EML4: variants seen among roughly 807,000 people sequenced by gnomAD.
EML4 encodes the protein EMAP like 4.
EML4 carries 72 observed loss-of-function variants against 129.0 expected under a neutral mutation model. The ratio of observed to expected loss-of-function variants is 0.56; its 90% confidence interval spans 0.46 to 0.68. The LOEUF is 0.68. EML4 is among the 30% of genes least tolerant of loss of function. EML4 has a pLI of 0.00. For synonymous variants in EML4, 532 were observed against 405.0 expected, an observed-to-expected ratio of 1.31 and a Z score of -3.77; for missense variants, 1,363 against 1,190.6, an observed-to-expected ratio of 1.14 and a Z score of -2.13.
chr2:42,305,474 G>A (rs913814981), intron 17 of EML4, among the ~76,000 whole-genome samples: 2 of 152,168 alleles, frequency 1.3e-5, no homozygotes, highest in African/African-American at 4.8e-5. Flanking sequence ...TGAAGCTGAT[G>A]TAACACCATT....
chr2:42,275,346 G>C (rs1666598164), intron 6 of EML4, among the ~76,000 whole-genome samples: 1 of 152,154 alleles, frequency 6.6e-6, no homozygotes, highest in Non-Finnish European at 1.5e-5. Context: ...AGTAATCAGT[G>C]TCTTGTCATT....
chr2:42,231,254 A>G (rs1000996221), intron 1 of EML4, among the ~76,000 whole-genome samples: 2 of 152,168 alleles, frequency 1.3e-5, no homozygotes, highest in Non-Finnish European at 2.9e-5. Flanking sequence ...TCCTGAACCT[A>G]TGACTAGCTT....
At chr2:42,172,088 A>C (rs1288291480) in intron 1 of EML4, among the ~76,000 whole-genome samples, 2 of 152,090 alleles carry the variant, frequency 1.3e-5, no homozygotes, top group Admixed American at 6.5e-5. Flanking sequence ...AGAAGTCAAA[A>C]CGTGAAGTTC....
rs772121409 is a variant in EML4 at position 42,263,336 on chromosome 2, G to A, written c.641+30G>A. On this transcript the variant is annotated intron_variant, in intron 5 of 22. Transcript: ENST00000318522. Reference sequence around the variant, plus strand: ...GTATTGCACTTTCTTCATTATATCTGAAAAGTAATAATTATTTGGCTATTA... The same window carrying A: ...GTATTGCACTTTCTTCATTATATCTAAAAAGTAATAATTATTTGGCTATTA... 7.9e-5 allele frequency: 119 copies of A among 1,508,752 alleles called. No homozygotes were observed. In the Middle Eastern group the frequency reaches 9.9e-4, roughly 13 times the overall value. 93.5% of individuals were successfully genotyped at this position (1,508,752 alleles called of 1,614,324 possible).
At chr2:42,320,234 A>G (rs1669451201) in intron 19 of EML4, among the ~76,000 whole-genome samples, 1 of 152,034 alleles carries the variant, frequency 6.6e-6, no homozygotes, top group Non-Finnish European at 1.5e-5. Context: ...CACACCTGTA[A>G]TCCCAGCACT....
intron 1 of EML4, among the ~76,000 whole-genome samples, chr2:42,198,659 T>A (rs1255370424): frequency 6.6e-6 from 1 of 152,208 alleles, no homozygotes; most frequent in Non-Finnish European, 1.5e-5. Flanking sequence ...GAGGACACAT[T>A]CTGAGAAGTA....
At chr2:42,282,708 A>G (rs1209676662) in intron 7 of EML4, 115 bp from the exon 8 acceptor site, 6 of 927,680 alleles carry the variant, frequency 6.5e-6, no homozygotes, top group Admixed American at 2.3e-5. Context: ...TGAGTTTTCT[A>G]GTTCTAGTTC....
chr2:42,172,787 G>C (rs1670354880), intron 1 of EML4, among the ~76,000 whole-genome samples: 1 of 152,110 alleles, frequency 6.6e-6, no homozygotes, highest in Non-Finnish European at 1.5e-5. Context: ...ATGTGCAAAA[G>C]TGGGAAGCTA....
intron 1 of EML4, among the ~76,000 whole-genome samples, chr2:42,242,932 C>G (rs932262821): frequency 1.3e-5 from 2 of 151,976 alleles, no homozygotes; most frequent in African/African-American, 4.8e-5. Context: ...CACGTGCCAC[C>G]ATGCCCAGCT....
intron 1 of EML4, chr2:42,208,225 A>G (rs1044064385): frequency 2.6e-5 from 4 of 152,192 alleles, no homozygotes; most frequent in African/African-American, 7.2e-5. Flanking sequence ...CAGAGTGAGT[A>G]TTCAGATTTT....
rs905192308 is a variant in EML4, at chr2:42,252,461, T to G, written c.209-4040T>G. Among the ~76,000 whole-genome samples, 5 of 152,214 alleles carry G rather than the reference T, an allele frequency of 3.3e-5. No individual in the cohort carries two copies. In the East Asian group the frequency reaches 9.6e-4, roughly 29 times the overall value. On this transcript the variant is annotated intron_variant, in intron 2 of 22. Coordinates refer to ENST00000318522, the MANE Select transcript of EML4 (RefSeq NM_019063.5). ...ACTGCCCTGAAATCAGTTCTTCACA[T>G]GGCTACTAGAGGGTATTCTCTAAAA... is the stretch of plus-strand genomic sequence containing the variant.
In EML4 at chr2:42,229,917, G is replaced by GT. The variant is rs397692261; in HGVS notation, c.26-15588_26-15587insT. The stretch of plus-strand genomic sequence containing the variant: ...AAATCCAGGTACAAGAAAGGAAAGG[G>GT]GATATTCAGAGAAAGAAAAAAACCA... On this transcript the variant is annotated intron_variant, in intron 1 of 22. Coordinates refer to ENST00000318522, the MANE Select transcript of EML4 (RefSeq NM_019063.5). Among the ~76,000 whole-genome samples, 24 of 150,776 alleles carry GT rather than the reference G, an allele frequency of 1.6e-4. No homozygotes were observed. In the South Asian group the frequency reaches 2.9e-3, roughly 18 times the overall value.
In EML4 at chr2:42,225,054, A is replaced by G. The variant is rs747166546; in HGVS notation, c.26-20451A>G. Among the ~76,000 whole-genome samples, 89 of 152,130 alleles carry G rather than the reference A, an allele frequency of 5.9e-4. 1 individual carries two copies. The highest frequency in any genetic ancestry group is 1.1e-3 in the Non-Finnish European group (74 of 68,010). On this transcript the variant is annotated intron_variant, in intron 1 of 22. Transcript: ENST00000318522. Reference sequence around the variant, plus strand: ...TATTTTACTTAGCATAATGTTTTCAAAGGTCACTCATGTTTTAGCATGTGT... The same window carrying G: ...TATTTTACTTAGCATAATGTTTTCAGAGGTCACTCATGTTTTAGCATGTGT...
chr2:42,329,626 C>A, intron 22 of EML4, 108 bp from the exon 23 acceptor site: 1 of 824,090 alleles, frequency 1.2e-6, no homozygotes, highest in Non-Finnish European at 1.9e-6. Context: ...AATTGGATTG[C>A]CCATTTCACA....
At chr2:42,176,941 A>C (rs549954726) in intron 1 of EML4, among the ~76,000 whole-genome samples, 20 of 152,124 alleles carry the variant, frequency 1.3e-4, no homozygotes, top group Non-Finnish European at 2.5e-4. Context: ...TTACAGGTGT[A>C]TGCCACCACA....
chr2:42,193,190 T>C (rs536644650), intron 1 of EML4, among the ~76,000 whole-genome samples: 1 of 152,352 alleles, frequency 6.6e-6, no homozygotes, highest in African/African-American at 2.4e-5. Context: ...TGCAGTAGTA[T>C]TCTGTACAAG....
chr2:42,225,454 AT>A (rs1295975655), intron 1 of EML4, among the ~76,000 whole-genome samples: 1 of 152,090 alleles, frequency 6.6e-6, no homozygotes, highest in Non-Finnish European at 1.5e-5. Flanking sequence ...TGCCTATTTA[AT>A]TTTTTTGCCT....
chr2:42,312,487 T>C (rs1201594700), intron 17 of EML4, among the ~76,000 whole-genome samples: 1 of 152,180 alleles, frequency 6.6e-6, no homozygotes, highest in Non-Finnish European at 1.5e-5. Flanking sequence ...AATAAAACTT[T>C]GGTCTCCACA....
chr2:42,328,820 A>C (rs1669943434), intron 21 of EML4, 66 bp from the exon 22 acceptor site: 19 of 1,277,916 alleles, frequency 1.5e-5, no homozygotes, highest in Non-Finnish European at 2.0e-5. Flanking sequence ...TAAAATAAAC[A>C]TATATAGCAT....
Sources: gnomAD v4.1 joint callset for allele counts (sites outside exome capture counted in the v4.1 genomes callset) on GRCh38, gnomAD v4.1.1 for gene constraint, MANE v1.5 for transcripts, NCBI Gene and HGNC (gene_info 2026-07-23, HGNC 2026-07-21) for gene names.